Variants in CAMTA1 observed in about 807,000 individuals in gnomAD.
CAMTA1 encodes the protein calmodulin binding transcription activator 1, also known as calmodulin-binding transcription activator 1.
CAMTA1 carries 27 observed loss-of-function variants against 170.9 expected under a neutral mutation model. The observed-to-expected ratio is 0.16, with a 90% CI of 0.12 to 0.22. The LOEUF is 0.22. Among genes scored for constraint, CAMTA1 ranks in the 10% least tolerant of loss-of-function variants. The pLI, the probability that CAMTA1 is intolerant of heterozygous loss-of-function variation, is 1.00. For missense variants in CAMTA1, 1,619 were observed against 2,217.2 expected (o/e 0.73, Z 5.42); for synonymous variants, 833 against 891.5 (o/e 0.93, Z 1.17).
intron 3 of CAMTA1, among the ~76,000 whole-genome samples, chr1:7,075,406 C>T (rs757906582): frequency 6.6e-6 from 1 of 152,172 alleles, no homozygotes; most frequent in Non-Finnish European, 1.5e-5. Flanking sequence ...CCACTCCGTT[C>T]CATTTGATTA....
At chr1:6,916,136 T>C (rs1437911951) in intron 3 of CAMTA1, among the ~76,000 whole-genome samples, 2 of 152,010 alleles carry the variant, frequency 1.3e-5, no homozygotes, top group East Asian at 3.9e-4. Flanking sequence ...TGTGATGTCT[T>C]TGTGTTCTTC....
Position 7,448,926 on chromosome 1 carries a change from C to T in CAMTA1, c.439-18904C>T, listed in dbSNP as rs915212665. Reference sequence around the variant, plus strand: ...GCACTGCCTGCTTGCTCTGAGGCAGCGATCCAGGCTGTTTTGCACACACAG... The same window carrying T: ...GCACTGCCTGCTTGCTCTGAGGCAGTGATCCAGGCTGTTTTGCACACACAG... On this transcript the variant is annotated intron_variant, in intron 5 of 22. Transcript: ENST00000303635. 4.6e-5 allele frequency among the ~76,000 whole-genome samples: 7 copies of T among 152,210 alleles called. No individual in the cohort carries two copies. The East Asian group carries it at 7.7e-4, about 17-fold the overall frequency.
At chr1:7,412,685 T>C (rs1275040868) in intron 5 of CAMTA1, among the ~76,000 whole-genome samples, 15 of 152,066 alleles carry the variant, frequency 9.9e-5, no homozygotes, top group Non-Finnish European at 2.1e-4. Flanking sequence ...GTTGCGAAAA[T>C]TTTCTCCCAT....
chr1:7,385,159 G>A (rs1364973883), intron 5 of CAMTA1, among the ~76,000 whole-genome samples: 1 of 148,284 alleles, frequency 6.7e-6, no homozygotes, highest in Non-Finnish European at 1.5e-5. Context: ...GCGTGATCTC[G>A]GCTCACTGCA....
intron 5 of CAMTA1, among the ~76,000 whole-genome samples, chr1:7,391,046 G>A (rs1433753403): frequency 2.6e-5 from 4 of 151,738 alleles, no homozygotes; most frequent in Admixed American, 2.0e-4. Flanking sequence ...TGCCCGGGCT[G>A]GAGTGCAGTG....
rs577567816 is a variant in CAMTA1, at chr1:7,509,444, G to A, written c.510+41543G>A. On this transcript the variant is annotated intron_variant, in intron 6 of 22. Transcript: ENST00000303635. The stretch of plus-strand genomic sequence containing the variant: ...ACACGGGTTTGATTTCTAAACTGTC[G>A]GACCCAGCAGGCTTTATAGTCCACA... Among the ~76,000 whole-genome samples the A allele has an allele frequency of 2.1e-3, 326 of 152,154 alleles. 5 individuals carry two copies. The South Asian group carries it at 0.023, about 11-fold the overall frequency.
chr1:7,542,838 A>AGTGTGTGTGT (rs373719721), intron 6 of CAMTA1, among the ~76,000 whole-genome samples: 7 of 56,024 alleles, frequency 1.2e-4, no homozygotes, highest in African/African-American at 3.4e-4. Context: ...CCTAAAACAC[A>AGTGTGTGTGT]GTGTGTGTGT....
chr1:7,407,117 A>G (rs2090352614), intron 5 of CAMTA1, among the ~76,000 whole-genome samples: 1 of 152,228 alleles, frequency 6.6e-6, no homozygotes, highest in African/African-American at 2.4e-5. Context: ...GCGGCCAAGC[A>G]GGCCCTTCTG....
chr1:7,257,041 TC>T (rs1300271180), intron 5 of CAMTA1, among the ~76,000 whole-genome samples: 1 of 135,598 alleles, frequency 7.4e-6, no homozygotes, highest in East Asian at 2.1e-4. Flanking sequence ...TCTGATCACC[TC>T]CCCAAAGCCC....
chr1:6,805,365 T>C (rs149121467), intron 1 of CAMTA1, among the ~76,000 whole-genome samples: 115 of 152,382 alleles, frequency 7.5e-4, no homozygotes, highest in Non-Finnish European at 1.3e-3. Context: ...CATTTTTGAA[T>C]TGAGTCAATT....
At chr1:7,099,725 C>T (rs1642499587) in intron 4 of CAMTA1, among the ~76,000 whole-genome samples, 1 of 152,130 alleles carries the variant, frequency 6.6e-6, no homozygotes, top group Non-Finnish European at 1.5e-5. Flanking sequence ...TCTCTGGAAC[C>T]ATCCGGGTTC....
intron 11 of CAMTA1, among the ~76,000 whole-genome samples, chr1:7,703,762 CTG>C (rs1432512190): frequency 6.6e-6 from 1 of 152,188 alleles, no homozygotes; most frequent in East Asian, 1.9e-4. Flanking sequence ...GGCACTTTCT[CTG>C]TGCGAGGCCG....
In CAMTA1 at chr1:7,738,123, C is replaced by T; in HGVS notation, c.3823C>T (p.Gln1275Ter). The T allele has an allele frequency of 6.2e-7, 1 of 1,614,144 alleles. No homozygotes were observed. Among genetic ancestry groups the T allele is most frequent in the Non-Finnish European group, 8.5e-7 (1 of 1,180,028 alleles). The change falls in exon 16 of 23, where the codon CAA (glutamine) becomes TAA (stop). Residue 1275 changes from glutamine to a stop codon, truncating the protein, a stop_gained. Coordinates refer to ENST00000303635, the MANE Select transcript of CAMTA1 (RefSeq NM_015215.4). LOFTEE classifies it high-confidence loss of function. The surrounding 1 kb of genome is among the most constrained non-coding windows in gnomAD (Gnocchi z 4.9). ...TCTGGAAGAGCCAAATATCAGGAAG[C>T]AAAGCCCTAGTTCTAAGCAGTCTGT... is the stretch of plus-strand genomic sequence containing the variant. ...LSLEEPNIRK[Q>*]SPSSKQSVPE...
At chr1:7,220,491 G>A (rs1024350237) in intron 4 of CAMTA1, among the ~76,000 whole-genome samples, 2 of 152,138 alleles carry the variant, frequency 1.3e-5, no homozygotes, top group African/African-American at 4.8e-5. Context: ...ATTCCCGGGA[G>A]CGTTCAGATC....
At chr1:7,016,464 A>C (rs1700551271) in intron 3 of CAMTA1, among the ~76,000 whole-genome samples, 1 of 152,246 alleles carries the variant, frequency 6.6e-6, no homozygotes, top group African/African-American at 2.4e-5. Context: ...AGGAAGGGGA[A>C]ATTAATTTTA....
In CAMTA1 at chr1:7,195,367, C is replaced by G. The variant is rs1312646075; in HGVS notation, c.303-54124C>G. Among the ~76,000 whole-genome samples, 2 of 152,178 alleles carry G rather than the reference C, an allele frequency of 1.3e-5. No individual in the cohort carries two copies. The highest frequency in any genetic ancestry group is 2.9e-5 in the Non-Finnish European group (2 of 68,028). On this transcript the variant is annotated intron_variant, in intron 4 of 22. Transcript: ENST00000303635. The surrounding 1 kb of genome is among the most constrained non-coding windows in gnomAD (Gnocchi z 4.1). ...GTCCAAGTGTTGCTATACACATTCTCTGCTTGTCTTGGCTATTTGGAAGCA... is the reference window on the plus strand; with the variant it reads ...GTCCAAGTGTTGCTATACACATTCTGTGCTTGTCTTGGCTATTTGGAAGCA...
At chr1:7,594,101 AAGAAAGAAAGAAAGAG>A (rs1414181282) in intron 6 of CAMTA1, among the ~76,000 whole-genome samples, 17 of 147,642 alleles carry the variant, frequency 1.2e-4, no homozygotes, top group Admixed American at 5.4e-4. Context: ...GAGAGGAAAG[AAGAAAGAAAGAAAGAG>A]AGAAAGAAAG....
intron 5 of CAMTA1, among the ~76,000 whole-genome samples, chr1:7,452,008 G>A (rs531339054): frequency 6.6e-6 from 1 of 152,352 alleles, no homozygotes; most frequent in East Asian, 1.9e-4. Flanking sequence ...CCCAGCCGCA[G>A]TGCTGAGGTT....
At position 7,064,644 on chromosome 1, in the gene CAMTA1, G is replaced by A. The variant is rs1399897289; in HGVS notation, c.235-26660G>A. On this transcript the variant is annotated intron_variant, in intron 3 of 22. Transcript: ENST00000303635. This position sits in a 1 kb window ranked among gnomAD's most constrained non-coding sequence, Gnocchi z 5.4. ...AAGGAGGATTTTGGGTGAAGAGAAC[G>A]GCTACAGCAAACAGATGGGAAAGAC... Among the ~76,000 whole-genome samples the A allele has an allele frequency of 1.3e-5, 2 of 151,974 alleles. No homozygotes were observed. Among genetic ancestry groups the A allele is most frequent in the African/African-American group, 2.4e-5 (1 of 41,360 alleles).
Sources: gnomAD v4.1 joint callset for allele counts (sites outside exome capture counted in the v4.1 genomes callset) on GRCh38, gnomAD v4.1.1 for gene constraint, Gnocchi (gnomAD v3.1) non-coding constraint, MANE v1.5 for transcripts, NCBI Gene and HGNC (gene_info 2026-07-23, HGNC 2026-07-21) for gene names.